SYNCRIP: variants seen among roughly 807,000 people sequenced by gnomAD.
The protein encoded by SYNCRIP is synaptotagmin binding cytoplasmic RNA interacting protein.
A neutral mutation model predicts 68.9 loss-of-function variants in SYNCRIP; 9 were observed. That is an observed-to-expected ratio of 0.13 (90% CI 0.08 to 0.23). SYNCRIP has a LOEUF of 0.23. Among genes scored for constraint, SYNCRIP ranks in the 10% least tolerant of loss-of-function variants. The pLI is 1.00. For missense variants in SYNCRIP, 414 were observed against 770.6 expected, an observed-to-expected ratio of 0.54 and a Z score of 5.48; for synonymous variants, 258 against 254.0, an observed-to-expected ratio of 1.02 and a Z score of -0.15.
rs374546616 is a variant in SYNCRIP, at chr6:85,637,199, C to T, written c.489+44G>A. ...GAGAATTGCTTTAGGAAACCAGATA[C>T]CTGTGCTTTTACTACAAAAGGTACA... On this transcript the variant is annotated intron_variant, in intron 5 of 10. Transcript: ENST00000369622. The T allele has an allele frequency of 3.6e-3, 5,788 of 1,607,294 alleles. 18 individuals are homozygous for T. The highest frequency in any genetic ancestry group is 4.2e-3 in the Non-Finnish European group (4,998 of 1,176,190).
At chr6:85,623,740 T>C (rs1176445223) in intron 7 of SYNCRIP, among the ~76,000 whole-genome samples, 1 of 152,138 alleles carries the variant, frequency 6.6e-6, no homozygotes, top group East Asian at 1.9e-4. Context: ...TTTTGCAGAA[T>C]GAATTCAAAC....
intron 6 of SYNCRIP, among the ~76,000 whole-genome samples, chr6:85,629,983 A>T (rs1365683052): frequency 6.9e-6 from 1 of 145,042 alleles, no homozygotes; most frequent in South Asian, 2.1e-4. Context: ...ATTTGTCTCA[A>T]AAAAAAAAAA....
intron 6 of SYNCRIP, among the ~76,000 whole-genome samples, chr6:85,633,144 T>C (rs1045459870): frequency 1.6e-4 from 24 of 151,296 alleles, no homozygotes. Flanking sequence ...TAGTACCAGC[T>C]ACTCAGGAGG....
intron 6 of SYNCRIP, among the ~76,000 whole-genome samples, chr6:85,632,736 G>C (rs1807946431): frequency 6.6e-6 from 1 of 151,818 alleles, no homozygotes; most frequent in Non-Finnish European, 1.5e-5. Flanking sequence ...GAGGCCAAGA[G>C]TTCAAGACTA....
At chr6:85,619,801 A>G (rs1806185371) in intron 8 of SYNCRIP, among the ~76,000 whole-genome samples, 1 of 152,136 alleles carries the variant, frequency 6.6e-6, no homozygotes, top group African/African-American at 2.4e-5. Flanking sequence ...AAAAGGGTAT[A>G]GCCCCTTTGA....
chr6:85,631,741 TA>T lies in SYNCRIP; in HGVS notation c.666+5225del, dbSNP rs754365452. Among the ~76,000 whole-genome samples the T allele has an allele frequency of 3.3e-5, 5 of 152,234 alleles. No homozygotes were observed. The East Asian group carries it at 9.6e-4, about 29-fold the overall frequency. On this transcript the variant is annotated intron_variant, in intron 6 of 10. Coordinates refer to ENST00000369622, the MANE Select transcript of SYNCRIP (RefSeq NM_006372.5). ...GGTGACGTAACTTGTACAGTTGGCT[TA>T]AATTGTTATGTCTAACAATAGGGAC...
chr6:85,623,193 A>G (rs1412413124), intron 7 of SYNCRIP, among the ~76,000 whole-genome samples: 2 of 152,176 alleles, frequency 1.3e-5, no homozygotes, highest in Non-Finnish European at 2.9e-5. Flanking sequence ...GCAGACCAAA[A>G]TATTTTCTAA....
chr6:85,619,726 CA>C (rs1425495551), intron 8 of SYNCRIP, among the ~76,000 whole-genome samples: 7 of 152,172 alleles, frequency 4.6e-5, no homozygotes, highest in African/African-American at 1.7e-4. Flanking sequence ...CAAAATCCAA[CA>C]CACTATAAAT....
At chr6:85,634,131 T>A (rs1327171488) in intron 6 of SYNCRIP, among the ~76,000 whole-genome samples, 1 of 152,198 alleles carries the variant, frequency 6.6e-6, no homozygotes, top group African/African-American at 2.4e-5. Context: ...ACTATATTAA[T>A]AAGACTATAT....
intron 10 of SYNCRIP, among the ~76,000 whole-genome samples, chr6:85,616,838 A>T (rs1285369414): frequency 1.3e-5 from 2 of 152,148 alleles, no homozygotes; most frequent in African/African-American, 4.8e-5. Context: ...ACCTCTTTCC[A>T]GGGGGACATT....
downstream of SYNCRIP, chr6:85,612,903 G>A (rs1017641086): frequency 6.4e-6 from 10 of 1,550,604 alleles, no homozygotes; most frequent in Admixed American, 5.9e-5. Flanking sequence ...GGTCAGGACC[G>A]GCCTCGACCC....
At chr6:85,638,173 A>C (rs1583315110) in intron 4 of SYNCRIP, among the ~76,000 whole-genome samples, 1 of 152,072 alleles carries the variant, frequency 6.6e-6, no homozygotes, top group Admixed American at 6.5e-5. Flanking sequence ...GGAGCTCAAG[A>C]CCAGCCTGGC....
downstream of SYNCRIP, chr6:85,609,634 G>C (rs1805093850): frequency 2.0e-5 from 3 of 151,834 alleles, no homozygotes; most frequent in Admixed American, 6.6e-5. Flanking sequence ...AAGCATGCTT[G>C]GGAGAATATA....
intron 6 of SYNCRIP, among the ~76,000 whole-genome samples, chr6:85,628,849 G>A (rs925997552): frequency 1.3e-5 from 2 of 152,162 alleles, no homozygotes; most frequent in African/African-American, 2.4e-5. Context: ...ATCACTGAAT[G>A]GAGATTCAAG....
intron 6 of SYNCRIP, among the ~76,000 whole-genome samples, chr6:85,625,608 A>C (rs1286727668): frequency 6.6e-6 from 1 of 151,968 alleles, no homozygotes; most frequent in African/African-American, 2.4e-5. Context: ...GGCTGGTCTC[A>C]AACTCCTGAT....
chr6:85,617,484 T>G (rs1475653645), intron 10 of SYNCRIP, among the ~76,000 whole-genome samples: 1 of 152,256 alleles, frequency 6.6e-6, no homozygotes, highest in Non-Finnish European at 1.5e-5. Flanking sequence ...GTTTGAAATA[T>G]AGAGCATTAA....
Position 85,614,230 on chromosome 6 carries a change from T to C in SYNCRIP, c.*526A>G, listed in dbSNP as rs762947918. 4.2e-5 allele frequency: 41 copies of C among 985,568 alleles called. No individual in the cohort carries two copies. The highest frequency in any genetic ancestry group is 4.7e-5 in the Non-Finnish European group (39 of 829,768). The allele number at this position is 985,568 out of a possible 1,614,324, so 61.1% of individuals were successfully genotyped here. On this transcript the variant is annotated 3_prime_UTR_variant, in exon 11 of 11. Transcript: ENST00000369622. ...TAGTAAGTATACATTTAGGTGTGAA[T>C]TTTTTATTGAAATAAACAACAGCAT...
chr6:85,614,557 T>C lies in SYNCRIP; in HGVS notation c.*199A>G, dbSNP rs1255974768. ...CTTTCAGTATCTAAGAATATCTTTATTGAAAAAAATTAAAAATAAAATCAG... is the reference window on the plus strand; with the variant it reads ...CTTTCAGTATCTAAGAATATCTTTACTGAAAAAAATTAAAAATAAAATCAG... On this transcript the variant is annotated 3_prime_UTR_variant, in exon 11 of 11. Coordinates refer to ENST00000369622, the MANE Select transcript of SYNCRIP (RefSeq NM_006372.5). 1.6e-6 allele frequency: 2 copies of C among 1,288,028 alleles called. No homozygotes were observed. Among genetic ancestry groups the C allele is most frequent in the Non-Finnish European group, 2.0e-6 (2 of 1,020,820 alleles). 79.8% of individuals were successfully genotyped at this position (1,288,028 alleles called of 1,614,324 possible).
chr6:85,633,285 T>TA (rs1808040717), intron 6 of SYNCRIP, among the ~76,000 whole-genome samples: 1 of 140,676 alleles, frequency 7.1e-6, no homozygotes, highest in East Asian at 2.2e-4. Context: ...AATAAATAAA[T>TA]AAATAAAATA....
Sources: allele counts gnomAD v4.1 joint callset (sites outside exome capture counted in the v4.1 genomes callset), GRCh38; gene constraint gnomAD v4.1.1; transcripts MANE v1.5; gene names NCBI Gene and HGNC (gene_info 2026-07-23, HGNC 2026-07-21).